Variants in CNTLN observed in about 807,000 individuals in gnomAD.
CNTLN encodes centlein, centrosomal protein.
A neutral mutation model predicts 180.0 loss-of-function variants in CNTLN; 212 were observed. That is an observed-to-expected ratio of 1.18 (90% confidence interval 1.05 to 1.32). The LOEUF (loss-of-function observed/expected upper bound fraction) is 1.32. Ranked by LOEUF, CNTLN falls within the 40% of genes most tolerant of loss-of-function variation. CNTLN has a pLI of 0.00. For synonymous variants in CNTLN, 722 were observed against 563.1 expected, an observed-to-expected ratio of 1.28 and a Z score of -3.99; for missense variants, 2,095 against 1,610.9, an observed-to-expected ratio of 1.30 and a Z score of -5.14.
At chr9:17,353,209 G>C (rs1366063745) in intron 12 of CNTLN, among the ~76,000 whole-genome samples, 1 of 151,568 alleles carries the variant, frequency 6.6e-6, no homozygotes, top group Non-Finnish European at 1.5e-5. Flanking sequence ...TCCCATGTCA[G>C]CCTCCCAGAG....
intron 6 of CNTLN, among the ~76,000 whole-genome samples, chr9:17,293,964 T>C (rs1433557860): frequency 6.6e-6 from 1 of 152,182 alleles, no homozygotes. Flanking sequence ...TGGTGCGTTC[T>C]TGGTCTCACT....
chr9:17,211,622 T>C (rs1423142853), intron 2 of CNTLN, among the ~76,000 whole-genome samples: 1 of 152,190 alleles, frequency 6.6e-6, no homozygotes, highest in Non-Finnish European at 1.5e-5. Flanking sequence ...GGGGATGGCA[T>C]TGAATCTATA....
intron 2 of CNTLN, among the ~76,000 whole-genome samples, chr9:17,208,579 A>C (rs559730075): frequency 2.0e-5 from 3 of 152,202 alleles, no homozygotes; most frequent in Admixed American, 6.5e-5. Flanking sequence ...TTCAGCATTT[A>C]AGCCATTGGG....
At chr9:17,411,728 C>A (rs889899438) in intron 16 of CNTLN, among the ~76,000 whole-genome samples, 6 of 151,988 alleles carry the variant, frequency 3.9e-5, no homozygotes, top group Admixed American at 6.5e-5. Flanking sequence ...TTATGAGAAT[C>A]TAATGCCTGA....
intron 6 of CNTLN, among the ~76,000 whole-genome samples, chr9:17,297,562 A>G (rs16935440): frequency 2.2e-4 from 34 of 152,206 alleles, no homozygotes; most frequent in South Asian, 6.2e-4. Flanking sequence ...CCACCAGTTC[A>G]TTTGTCCTCC....
intron 24 of CNTLN, among the ~76,000 whole-genome samples, chr9:17,485,956 C>T (rs1173542941): frequency 6.6e-6 from 1 of 152,106 alleles, no homozygotes; most frequent in Non-Finnish European, 1.5e-5. Flanking sequence ...ATAAGTGACA[C>T]CTCTGCCTCT....
rs35329298 is a variant in CNTLN, at chr9:17,390,235, C to CTTTTTTTT, written c.2079+1996_2079+2003dup. ...TGTATTTCAGTTTTGAAAAGAGCCTCTTTTTTTTTTTTTTTTTTTTTGGAG... is the reference window on the plus strand; with the variant it reads ...TGTATTTCAGTTTTGAAAAGAGCCTCTTTTTTTTTTTTTTTTTTTTTTTTTTTTTGGAG... On this transcript the variant is annotated intron_variant, in intron 14 of 25. Coordinates refer to ENST00000380647, the MANE Select transcript of CNTLN (RefSeq NM_017738.4). Among the ~76,000 whole-genome samples the CTTTTTTTT allele has an allele frequency of 7.7e-3, 596 of 77,392 alleles. 55 individuals carry two copies. The highest frequency in any genetic ancestry group is 0.025 in the African/African-American group (505 of 20,564). The allele number at this position is 77,392 out of a possible 152,430, so 50.8% of individuals were successfully genotyped here. A position where few individuals can be genotyped will look rare whatever the true frequency, so the allele number is the denominator to read the frequency against.
intron 2 of CNTLN, among the ~76,000 whole-genome samples, chr9:17,179,813 A>G (rs1821007130): frequency 6.6e-6 from 1 of 151,620 alleles, no homozygotes; most frequent in South Asian, 2.1e-4. Context: ...TTTCAGTTCT[A>G]TCAGTTTTTT....
intron 13 of CNTLN, among the ~76,000 whole-genome samples, chr9:17,368,721 C>G (rs1264814605): frequency 3.3e-5 from 5 of 152,224 alleles, no homozygotes; most frequent in Middle Eastern, 3.2e-3. Flanking sequence ...CCAGAGAATT[C>G]TTCCGGATCT....
intron 2 of CNTLN, among the ~76,000 whole-genome samples, chr9:17,147,291 A>G (rs927646928): frequency 6.6e-6 from 1 of 152,188 alleles, no homozygotes; most frequent in African/African-American, 2.4e-5. Flanking sequence ...TCTTTTCTGG[A>G]CAAATGATTT....
the CNTLN span, among the ~76,000 whole-genome samples, chr9:17,525,138 C>T: frequency 6.6e-6 from 1 of 152,146 alleles, no homozygotes; most frequent in Non-Finnish European, 1.5e-5. Flanking sequence ...ACTTGCCCAA[C>T]ATCCCTCAGC....
chr9:17,312,553 A>ATTT (rs56915301), intron 8 of CNTLN, among the ~76,000 whole-genome samples: 1 of 100,418 alleles, frequency 1.0e-5, no homozygotes, highest in Admixed American at 1.2e-4. Flanking sequence ...AGCCCGGCTA[A>ATTT]TTTTTTTTTT....
chr9:17,395,524 C>A (rs1384117857), intron 15 of CNTLN, among the ~76,000 whole-genome samples: 1 of 152,102 alleles, frequency 6.6e-6, no homozygotes, highest in Non-Finnish European at 1.5e-5. Flanking sequence ...TTTTGAATGA[C>A]CCATTTCAGC....
chr9:17,494,789 G>A (rs181353245), intron 25 of CNTLN: 14 of 340,888 alleles, frequency 4.1e-5, no homozygotes, highest in African/African-American at 2.4e-4. Context: ...CCATAGAAAA[G>A]TATAGCGTAT....
chr9:17,345,607 C>T (rs1319198861), intron 12 of CNTLN, among the ~76,000 whole-genome samples: 1 of 151,150 alleles, frequency 6.6e-6, no homozygotes, highest in Admixed American at 6.6e-5. Context: ...CTGGTATCAA[C>T]ATTTTATTAC....
Position 17,323,056 on chromosome 9 carries a change from AT to A in CNTLN, c.1342-7574del, listed in dbSNP as rs201277980. ...TTTATGGCTCAAGTGGTTTCATTAA[AT>A]TAGAGTGCTCTGTGTTGTTCATTAA... On this transcript the variant is annotated intron_variant, in intron 8 of 25. Coordinates refer to ENST00000380647, the MANE Select transcript of CNTLN (RefSeq NM_017738.4). Among the ~76,000 whole-genome samples the A allele has an allele frequency of 4.9e-3, 753 of 152,318 alleles. 22 individuals are homozygous for A. Among genetic ancestry groups the A allele is most frequent in the Admixed American group, 0.032 (488 of 15,302 alleles).
chr9:17,469,337 C>G (rs757767422), intron 23 of CNTLN, among the ~76,000 whole-genome samples: 2 of 151,610 alleles, frequency 1.3e-5, no homozygotes, highest in African/African-American at 2.4e-5. Context: ...GTCTTAGTGC[C>G]AACATATAGT....
At chr9:17,235,840 TGCTTTAA>T (rs1825110187) in intron 4 of CNTLN, 48 bp downstream of exon 4, 2 of 1,545,488 alleles carry the variant, frequency 1.3e-6, no homozygotes, top group Admixed American at 2.3e-5. Flanking sequence ...TTTGAAGTTC[TGCTTTAA>T]GCTTTGTTAG....
At chr9:17,488,086 G>A (rs1393512983) in intron 25 of CNTLN, among the ~76,000 whole-genome samples, 1 of 152,074 alleles carries the variant, frequency 6.6e-6, no homozygotes, top group Non-Finnish European at 1.5e-5. Context: ...AATAGAAACT[G>A]ATATTAAATG....
Sources: allele counts gnomAD v4.1 joint callset (sites outside exome capture counted in the v4.1 genomes callset), GRCh38; gene constraint gnomAD v4.1.1; transcripts MANE v1.5; gene names NCBI Gene and HGNC (gene_info 2026-07-23, HGNC 2026-07-21).